The following BIRC6 variants were observed in gnomAD, a reference collection of about 807,000 sequenced individuals.
BIRC6 encodes the protein dual E2 ubiquitin-conjugating enzyme/E3 ubiquitin-protein ligase BIRC6.
Under a neutral mutation model 503.3 loss-of-function variants are expected in BIRC6, and 98 were observed. The observed-to-expected ratio is 0.19, with a 90% CI of 0.17 to 0.23. BIRC6 has a LOEUF of 0.23. BIRC6 is among the 10% of genes least tolerant of loss of function. The probability of loss-of-function intolerance (pLI) is 1.00; values close to 1 mark genes in which losing one functional copy is unlikely to be tolerated. For missense variants in BIRC6, 5,360 were observed against 5,806.0 expected (o/e 0.92, Z 2.50); for synonymous variants, 2,240 against 2,078.7 (o/e 1.08, Z -2.11).
At chr2:32,586,517 C>T (rs946450119) in intron 66 of BIRC6, among the ~76,000 whole-genome samples, 2 of 150,080 alleles carry the variant, frequency 1.3e-5, no homozygotes, top group African/African-American at 4.9e-5. Flanking sequence ...ACCTCCACCA[C>T]CCAGAGCGAT....
Position 32,599,862 on chromosome 2 carries a change from A to G in BIRC6, c.13954A>G (p.Ser4652Gly), listed in dbSNP as rs774681692. ...LVNLETTGGH[S>G]VRFNPNLYND... Reference sequence around the variant, plus strand: ...GAATCTAGAGACAACTGGTGGTCATAGCGTGCGATTCAATCCAAACCTTTA... The same window carrying G: ...GAATCTAGAGACAACTGGTGGTCATGGCGTGCGATTCAATCCAAACCTTTA... The change falls in exon 70 of 74, where the codon AGC becomes GGC. Residue 4652 changes from serine to glycine, a missense_variant. Physicochemically the swap from Ser to Gly is moderately conservative, Grantham distance 56. Coordinates refer to ENST00000421745, the MANE Select transcript of BIRC6 (RefSeq NM_016252.4). 14 of 1,613,982 alleles carry G rather than the reference A, an allele frequency of 8.7e-6. No individual in the cohort carries two copies. The South Asian group carries it at 1.5e-4, about 18-fold the overall frequency.
At chr2:32,373,896 C>G (rs1435474844) in intron 1 of BIRC6, among the ~76,000 whole-genome samples, 14 of 152,168 alleles carry the variant, frequency 9.2e-5, no homozygotes. Context: ...GACATAGGCT[C>G]TAATGTGGAG....
intron 65 of BIRC6, among the ~76,000 whole-genome samples, chr2:32,569,726 C>A (rs1342572959): frequency 6.6e-6 from 1 of 151,342 alleles, no homozygotes; most frequent in Non-Finnish European, 1.5e-5. Flanking sequence ...TGATTTAATC[C>A]TTGGCTAGAT....
chr2:32,383,115 C>T (rs753136215), intron 3 of BIRC6, among the ~76,000 whole-genome samples: 22 of 149,434 alleles, frequency 1.5e-4, no homozygotes, highest in Non-Finnish European at 1.6e-4. Context: ...GGTGTGATCT[C>T]GGCTCACTGC....
intron 33 of BIRC6, among the ~76,000 whole-genome samples, chr2:32,474,958 G>A (rs986130938): frequency 2.6e-5 from 4 of 151,682 alleles, no homozygotes; most frequent in African/African-American, 9.7e-5. Flanking sequence ...TGTCAGGCAG[G>A]GCTCACTTTG....
chr2:32,516,023 T>C (rs1261170733), intron 55 of BIRC6, among the ~76,000 whole-genome samples: 1 of 152,190 alleles, frequency 6.6e-6, no homozygotes, highest in African/African-American at 2.4e-5. Flanking sequence ...TTTCAAAAAT[T>C]TCTACAAACA....
At chr2:32,370,876 T>C (rs2035835151) in intron 1 of BIRC6, among the ~76,000 whole-genome samples, 1 of 152,164 alleles carries the variant, frequency 6.6e-6, no homozygotes, top group African/African-American at 2.4e-5. Context: ...AAATGGAGTT[T>C]TACAGTGTAT....
chr2:32,451,258 G>A (rs114279821), intron 22 of BIRC6, among the ~76,000 whole-genome samples: 153 of 152,196 alleles, frequency 1.0e-3, no homozygotes, highest in Non-Finnish European at 2.0e-3. Flanking sequence ...AAATGATTTG[G>A]CTCTCTTTTC....
At chr2:32,433,522 GA>G (rs1400484284) in intron 12 of BIRC6, 121 bp from the exon 13 acceptor site, 9 of 769,624 alleles carry the variant, frequency 1.2e-5, no homozygotes, top group Non-Finnish European at 9.8e-6. Flanking sequence ...ATCCCATTGA[GA>G]AACACTAGAT....
intron 14 of BIRC6, 136 bp from the exon 15 acceptor site, chr2:32,435,917 C>A: frequency 1.9e-6 from 1 of 538,830 alleles, no homozygotes; most frequent in Non-Finnish European, 2.9e-6. Context: ...CTTAGCATGA[C>A]AATTCTTATT....
intron 9 of BIRC6, among the ~76,000 whole-genome samples, chr2:32,409,842 G>C (rs1281943823): frequency 6.6e-6 from 1 of 152,170 alleles, no homozygotes; most frequent in African/African-American, 2.4e-5. Flanking sequence ...TGGCCTAGTA[G>C]GTTTTAGAAA....
intron 60 of BIRC6, among the ~76,000 whole-genome samples, chr2:32,530,056 A>G (rs1572838141): frequency 1.3e-5 from 2 of 152,090 alleles, no homozygotes; most frequent in Non-Finnish European, 1.5e-5. Context: ...TTAATTTCTG[A>G]TATTTCTGTG....
Position 32,515,560 on chromosome 2 carries a change from AG to A in BIRC6, c.11140del (p.Ala3714HisfsTer18). ...GTTCTGAAGTCAATCCACTATGGAC[AG>A]CACTTCTGTTTTTATTGTGTCACTC... ...GGSEVNPLWT[A>X]LLFLLCHSGS... is the part of the protein sequence containing the mutation. On this transcript the variant is annotated frameshift_variant, in exon 55 of 74. Transcript: ENST00000421745. LOFTEE classifies it high-confidence loss of function. 6.2e-7 allele frequency: 1 copy of A among 1,614,004 alleles called. No homozygotes were observed. The highest frequency in any genetic ancestry group is 8.5e-7 in the Non-Finnish European group (1 of 1,179,894).
intron 56 of BIRC6, 138 bp downstream of exon 56, chr2:32,518,535 A>T (rs1268386866): frequency 2.1e-6 from 2 of 942,990 alleles, no homozygotes; most frequent in East Asian, 5.2e-5. Context: ...CTAATGACAG[A>T]ACTTGACAAT....
intron 44 of BIRC6, among the ~76,000 whole-genome samples, chr2:32,493,184 A>T (rs1246579502): frequency 6.6e-6 from 1 of 151,980 alleles, no homozygotes; most frequent in Non-Finnish European, 1.5e-5. Context: ...GGGGTAATTA[A>T]GAAGGTTATT....
Position 32,490,443 on chromosome 2 carries a change from G to A in BIRC6, c.8206+292G>A, listed in dbSNP as rs1028387572. 5.3e-5 allele frequency among the ~76,000 whole-genome samples: 8 copies of A among 152,150 alleles called. No individual in the cohort carries two copies. In the East Asian group the frequency reaches 9.7e-4, roughly 18 times the overall value. On this transcript the variant is annotated intron_variant, in intron 43 of 73. Transcript: ENST00000421745. ...CCAGCTACTTGGGAGGGTGACGCACGAAAATCACTTGAACCTGGAAGGCGA... is the reference window on the plus strand; with the variant it reads ...CCAGCTACTTGGGAGGGTGACGCACAAAAATCACTTGAACCTGGAAGGCGA...
chr2:32,427,505 C>T (rs533893703), intron 10 of BIRC6, among the ~76,000 whole-genome samples: 7 of 152,198 alleles, frequency 4.6e-5, no homozygotes, highest in East Asian at 1.9e-4. Context: ...AGGCTGGTAT[C>T]GAACTCCTGA....
chr2:32,424,637 C>T (rs2147778016), intron 10 of BIRC6, among the ~76,000 whole-genome samples: 1 of 151,990 alleles, frequency 6.6e-6, no homozygotes, highest in South Asian at 2.1e-4. Flanking sequence ...GCCTCAGCCT[C>T]CCAAGTAGCT....
intron 1 of BIRC6, among the ~76,000 whole-genome samples, chr2:32,368,496 C>T (rs540750489): frequency 1.3e-5 from 2 of 152,010 alleles, no homozygotes; most frequent in African/African-American, 2.4e-5. Context: ...GCTGAAATCA[C>T]ACCATTGCAC....
Sources: gnomAD v4.1 joint callset for allele counts (sites outside exome capture counted in the v4.1 genomes callset) on GRCh38, gnomAD v4.1.1 for gene constraint, MANE v1.5 for transcripts, NCBI Gene and HGNC (gene_info 2026-07-23, HGNC 2026-07-21) for gene names.